IL1RAPL1: variants seen among roughly 807,000 people sequenced by gnomAD.
IL1RAPL1 encodes the protein interleukin-1 receptor accessory protein-like 1.
A neutral mutation model predicts 48.4 loss-of-function variants in IL1RAPL1; 3 were observed. The observed-to-expected ratio is 0.06, with a 90% CI of 0.03 to 0.16. The LOEUF (loss-of-function observed/expected upper bound fraction) is 0.16, where lower values mean the gene tolerates loss of function less well. Among genes scored for constraint, IL1RAPL1 ranks in the 10% least tolerant of loss-of-function variants. The pLI, the probability that IL1RAPL1 is intolerant of heterozygous loss-of-function variation, is 1.00. For missense variants in IL1RAPL1, 349 were observed against 530.6 expected, an observed-to-expected ratio of 0.66 and a Z score of 3.36; for synonymous variants, 185 against 187.7, an observed-to-expected ratio of 0.99 and a Z score of 0.12.
At chrX:28,736,594 C>T (rs1379403151) in intron 1 of IL1RAPL1, among the ~76,000 whole-genome samples, 4 of 111,891 alleles carry the variant, frequency 3.6e-5, no homozygotes, top group Non-Finnish European at 7.5e-5. Flanking sequence ...ATGTTCCAAA[C>T]TTACAAAGCC....
intron 6 of IL1RAPL1, among the ~76,000 whole-genome samples, chrX:29,834,877 G>GT (rs1393561421): frequency 2.2e-4 from 24 of 111,360 alleles, no homozygotes; most frequent in African/African-American, 7.8e-4. Flanking sequence ...AACTGTTCAT[G>GT]TTTCCTATTA....
At chrX:29,556,054 T>C (rs1921989980) in intron 5 of IL1RAPL1, among the ~76,000 whole-genome samples, 1 of 111,758 alleles carries the variant, frequency 8.9e-6, no homozygotes, top group Admixed American at 9.5e-5. Context: ...AGCCTTTCCT[T>C]TCCTGGTAGT....
chrX:29,258,027 G>A (rs961893147), intron 2 of IL1RAPL1, among the ~76,000 whole-genome samples: 2 of 111,174 alleles, frequency 1.8e-5, no homozygotes, highest in Non-Finnish European at 3.8e-5. Flanking sequence ...TCATTTGAAG[G>A]TCAATTTTGG....
chrX:29,020,600 CA>C (rs752695213), intron 2 of IL1RAPL1, among the ~76,000 whole-genome samples: 1 of 111,683 alleles, frequency 9.0e-6, no homozygotes, highest in East Asian at 2.8e-4. Context: ...TTCAGTGATG[CA>C]TTACTGTATT....
intron 5 of IL1RAPL1, among the ~76,000 whole-genome samples, chrX:29,594,011 A>G (rs1281419533): frequency 1.8e-5 from 2 of 112,384 alleles, no homozygotes; most frequent in East Asian, 5.6e-4. Flanking sequence ...TGTTTCATTT[A>G]CAGCCAATAA....
intron 2 of IL1RAPL1, among the ~76,000 whole-genome samples, chrX:28,791,907 A>G (rs952159436): frequency 5.8e-4 from 65 of 111,657 alleles, no homozygotes; most frequent in African/African-American, 2.0e-3. Flanking sequence ...TAGTGTCATT[A>G]CTCATCTCCA....
intron 2 of IL1RAPL1, among the ~76,000 whole-genome samples, chrX:29,102,909 A>T (rs1928373018): frequency 9.0e-6 from 1 of 111,699 alleles, no homozygotes; most frequent in African/African-American, 3.3e-5. Flanking sequence ...ATACCTAGGA[A>T]TTAACCAAAG....
Position 28,954,279 on chromosome X carries a change from T to A in IL1RAPL1, c.82+164854T>A, listed in dbSNP as rs748729949. Among the ~76,000 whole-genome samples, 24 of 111,580 alleles carry A rather than the reference T, an allele frequency of 2.2e-4. No homozygotes were observed. In the South Asian group the frequency reaches 8.5e-3, roughly 39 times the overall value. On this transcript the variant is annotated intron_variant, in intron 2 of 10. Coordinates refer to ENST00000378993, the MANE Select transcript of IL1RAPL1 (RefSeq NM_014271.4). The stretch of plus-strand genomic sequence containing the variant: ...ATAGCGTCTTCAATGTTACAAGATT[T>A]GTGAGTACTGGCATGTGGGTCAGAA...
At chrX:29,184,123 C>T (rs183675092) in intron 2 of IL1RAPL1, among the ~76,000 whole-genome samples, 1 of 112,229 alleles carries the variant, frequency 8.9e-6, no homozygotes, top group Admixed American at 9.4e-5. Context: ...CGTGTATATA[C>T]TTCTATTATA....
chrX:29,456,593 A>G (rs1367396693), intron 5 of IL1RAPL1, among the ~76,000 whole-genome samples: 3 of 111,205 alleles, frequency 2.7e-5, no homozygotes, highest in Admixed American at 9.7e-5. Context: ...TGCAGAAGAT[A>G]TAATAATAAA....
At chrX:29,621,846 ATC>A in intron 5 of IL1RAPL1, among the ~76,000 whole-genome samples, 1 of 111,919 alleles carries the variant, frequency 8.9e-6, no homozygotes, top group Admixed American at 9.5e-5. Context: ...CACCCTACTG[ATC>A]TATCAAATAC....
chrX:29,602,744 A>C (rs899565540), intron 5 of IL1RAPL1, among the ~76,000 whole-genome samples: 5 of 112,893 alleles, frequency 4.4e-5, no homozygotes, highest in Non-Finnish European at 7.5e-5. Context: ...GAAATTCACA[A>C]AGATTTCTTT....
chrX:28,891,308 A>T (rs1922765130), intron 2 of IL1RAPL1, among the ~76,000 whole-genome samples: 1 of 112,254 alleles, frequency 8.9e-6, no homozygotes, highest in South Asian at 3.7e-4. Context: ...TACAGACTTG[A>T]CTTAAAAATA....
intron 2 of IL1RAPL1, among the ~76,000 whole-genome samples, chrX:29,044,030 G>A (rs939039706): frequency 6.2e-5 from 7 of 112,093 alleles, no homozygotes; most frequent in Non-Finnish European, 1.3e-4. Flanking sequence ...TGAGACAATT[G>A]AATAAGCTGA....
chrX:28,635,644 A>C (rs758414548), intron 1 of IL1RAPL1, among the ~76,000 whole-genome samples: 1 of 112,108 alleles, frequency 8.9e-6, no homozygotes, highest in Non-Finnish European at 1.9e-5. Flanking sequence ...TAGGTGTATT[A>C]AATATATTTT....
At chrX:28,617,491 G>T (rs181208713) in intron 1 of IL1RAPL1, among the ~76,000 whole-genome samples, 340 of 111,829 alleles carry the variant, frequency 3.0e-3, no homozygotes, top group Non-Finnish European at 3.0e-3. Context: ...TGGCATCAAG[G>T]CATGCTTTGA....
At chrX:29,013,050 C>T (rs192081428) in intron 2 of IL1RAPL1, among the ~76,000 whole-genome samples, 2 of 111,441 alleles carry the variant, frequency 1.8e-5, no homozygotes, top group Non-Finnish European at 3.8e-5. Context: ...CAAAGGCTAC[C>T]AAGAGCTGAA....
At chrX:29,151,985 G>T (rs753694086) in intron 2 of IL1RAPL1, among the ~76,000 whole-genome samples, 7 of 111,682 alleles carry the variant, frequency 6.3e-5, no homozygotes, top group Non-Finnish European at 9.4e-5. Context: ...TTTTCATGCT[G>T]CTATGAAGAA....
chrX:29,399,411 A>G, intron 5 of IL1RAPL1, 103 bp downstream of exon 5: 1 of 673,274 alleles, frequency 1.5e-6, no homozygotes, highest in Admixed American at 2.7e-5. Flanking sequence ...AGAATTACAT[A>G]ATCAAATGCT....
Sources: gnomAD v4.1 joint callset for allele counts (sites outside exome capture counted in the v4.1 genomes callset) on GRCh38, gnomAD v4.1.1 for gene constraint, MANE v1.5 for transcripts, NCBI Gene and HGNC (gene_info 2026-07-23, HGNC 2026-07-21) for gene names.